The following RAB3C variants were observed in gnomAD, a reference collection of about 807,000 sequenced individuals.
The protein encoded by RAB3C is RAB3C, member RAS oncogene family, also known as ras-related protein Rab-3C.
RAB3C carries 17 observed loss-of-function variants against 26.4 expected under a neutral mutation model. That is an observed-to-expected ratio of 0.64 (90% CI 0.44 to 0.97). The LOEUF is 0.97. Among genes scored for constraint, RAB3C ranks in the 50% least tolerant of loss-of-function variants. The pLI, the probability that RAB3C is intolerant of heterozygous loss-of-function variation, is 0.00. For missense variants in RAB3C, 242 were observed against 281.9 expected, an observed-to-expected ratio of 0.86 and a Z score of 1.01; for synonymous variants, 91 against 95.9, an observed-to-expected ratio of 0.95 and a Z score of 0.30.
intron 3 of RAB3C, among the ~76,000 whole-genome samples, chr5:58,732,724 C>A (rs1400712618): frequency 6.6e-6 from 1 of 152,150 alleles, no homozygotes; most frequent in African/African-American, 2.4e-5. Flanking sequence ...GCTGGATAGG[C>A]AGTTTGATAT....
chr5:58,828,552 C>G (rs1245568145), intron 4 of RAB3C, among the ~76,000 whole-genome samples: 5 of 152,214 alleles, frequency 3.3e-5, no homozygotes, highest in Admixed American at 3.3e-4. Context: ...TAATGACTGC[C>G]AAATCATGTC....
chr5:58,669,413 C>T (rs1748067860), intron 2 of RAB3C, among the ~76,000 whole-genome samples: 1 of 152,190 alleles, frequency 6.6e-6, no homozygotes, highest in Non-Finnish European at 1.5e-5. Flanking sequence ...ACTAATACAA[C>T]GTGGAAAAGA....
intron 1 of RAB3C, among the ~76,000 whole-genome samples, chr5:58,612,397 T>G: frequency 6.6e-6 from 1 of 151,612 alleles, no homozygotes; most frequent in African/African-American, 2.4e-5. Context: ...TTGTGTCATC[T>G]CTGATTTCTT....
At chr5:58,685,767 T>C (rs1183352649) in intron 2 of RAB3C, among the ~76,000 whole-genome samples, 2 of 152,170 alleles carry the variant, frequency 1.3e-5, no homozygotes, top group African/African-American at 4.8e-5. Context: ...GGGAATACCA[T>C]AGTGAATACA....
intron 2 of RAB3C, among the ~76,000 whole-genome samples, chr5:58,666,698 T>G (rs1413540729): frequency 6.6e-6 from 1 of 152,186 alleles, no homozygotes; most frequent in African/African-American, 2.4e-5. Flanking sequence ...GGAAATCAGC[T>G]GGAAGCCTGA....
Position 58,758,193 on chromosome 5 carries a change from C to T in RAB3C, c.371+32073C>T, listed in dbSNP as rs558156349. Among the ~76,000 whole-genome samples the T allele has an allele frequency of 9.2e-5, 14 of 152,258 alleles. 1 individual carries two copies. Among genetic ancestry groups the T allele is most frequent in the African/African-American group, 3.4e-4 (14 of 41,552 alleles). Reference sequence around the variant, plus strand: ...TCTCCTGACCTTGTGATCCGCCTGCCTCAGCCTCCCGAAGTGCTGGGATTA... The same window carrying T: ...TCTCCTGACCTTGTGATCCGCCTGCTTCAGCCTCCCGAAGTGCTGGGATTA... On this transcript the variant is annotated intron_variant, in intron 3 of 4. Coordinates refer to ENST00000282878, the MANE Select transcript of RAB3C (RefSeq NM_138453.4).
At chr5:58,681,430 A>G (rs1034399302) in intron 2 of RAB3C, among the ~76,000 whole-genome samples, 1 of 152,238 alleles carries the variant, frequency 6.6e-6, no homozygotes, top group Non-Finnish European at 1.5e-5. Context: ...GAAAATTTGT[A>G]TTGTGATGAA....
At chr5:58,608,968 C>T (rs1746631511) in intron 1 of RAB3C, among the ~76,000 whole-genome samples, 2 of 152,122 alleles carry the variant, frequency 1.3e-5, no homozygotes, top group African/African-American at 4.8e-5. Context: ...CATGTTCTCA[C>T]TCTTAGGTGG....
chr5:58,769,592 C>T (rs1741984861), intron 3 of RAB3C, among the ~76,000 whole-genome samples: 1 of 152,066 alleles, frequency 6.6e-6, no homozygotes, highest in South Asian at 2.1e-4. Flanking sequence ...GAGGAAAGTT[C>T]TGAAATTCTG....
chr5:58,808,986 G>T (rs1010686991), intron 3 of RAB3C, among the ~76,000 whole-genome samples: 1 of 152,134 alleles, frequency 6.6e-6, no homozygotes, highest in Admixed American at 6.5e-5. Context: ...TATCTCCAGT[G>T]CATTTGCATT....
At chr5:58,637,508 C>T (rs1747314696) in intron 2 of RAB3C, among the ~76,000 whole-genome samples, 1 of 151,978 alleles carries the variant, frequency 6.6e-6, no homozygotes, top group South Asian at 2.1e-4. Context: ...GAAGAATAGA[C>T]AGGATTTAGA....
intron 3 of RAB3C, chr5:58,823,544 C>T (rs1272987850): frequency 1.2e-5 from 2 of 166,364 alleles, no homozygotes; most frequent in African/African-American, 4.8e-5. Flanking sequence ...ATAAATAAAA[C>T]AAAAAAGCTC....
At chr5:58,841,722 C>A (rs1743879823) in intron 4 of RAB3C, among the ~76,000 whole-genome samples, 1 of 152,126 alleles carries the variant, frequency 6.6e-6, no homozygotes, top group African/African-American at 2.4e-5. Flanking sequence ...TTTACATTTT[C>A]TCTTCAGTGG....
intron 3 of RAB3C, among the ~76,000 whole-genome samples, chr5:58,775,935 C>T (rs529953861): frequency 6.6e-6 from 1 of 152,170 alleles, no homozygotes; most frequent in African/African-American, 2.4e-5. Flanking sequence ...TTCTATTGCT[C>T]ACATTTTCTT....
intron 3 of RAB3C, among the ~76,000 whole-genome samples, chr5:58,734,470 C>A (rs892789535): frequency 1.3e-5 from 2 of 152,084 alleles, no homozygotes; most frequent in African/African-American, 2.4e-5. Flanking sequence ...TACACTGGAC[C>A]GCGGGGAGTC....
Position 58,805,613 on chromosome 5 carries a change from G to C in RAB3C, c.372-19425G>C, listed in dbSNP as rs570134498. Among the ~76,000 whole-genome samples, 6 of 147,914 alleles carry C rather than the reference G, an allele frequency of 4.1e-5. No individual in the cohort carries two copies. In the East Asian group the frequency reaches 9.8e-4, roughly 24 times the overall value. On this transcript the variant is annotated intron_variant, in intron 3 of 4. Transcript: ENST00000282878. Reference sequence around the variant, plus strand: ...TGAAAAAAAAAAAAAAAGAGAGAGAGAGAAAAAAAGAAAAGGAAAGAAAGA... The same window carrying C: ...TGAAAAAAAAAAAAAAAGAGAGAGACAGAAAAAAAGAAAAGGAAAGAAAGA...
chr5:58,845,612 ATG>A (rs1289870360), intron 4 of RAB3C, among the ~76,000 whole-genome samples: 8 of 81,704 alleles, frequency 9.8e-5, no homozygotes, highest in South Asian at 3.9e-4. Context: ...ATATATATAT[ATG>A]TGTGTGTGTG....
chr5:58,797,348 AAAAAAATATGTATATATATAATAT>A (rs1161424391), intron 3 of RAB3C, among the ~76,000 whole-genome samples: 4 of 6,670 alleles, frequency 6.0e-4, no homozygotes, highest in African/African-American at 2.2e-3. Context: ...ACAAAAAAAA[AAAAAAATATGTATATATATAATAT>A]ATATATATAT....
At chr5:58,689,595 C>T (rs1049445790) in intron 2 of RAB3C, among the ~76,000 whole-genome samples, 4 of 151,996 alleles carry the variant, frequency 2.6e-5, no homozygotes, top group African/African-American at 4.8e-5. Flanking sequence ...TGGTTAAAAT[C>T]AGTGTTGCCA....
Sources: gnomAD v4.1 joint callset for allele counts (sites outside exome capture counted in the v4.1 genomes callset) on GRCh38, gnomAD v4.1.1 for gene constraint, MANE v1.5 for transcripts, NCBI Gene and HGNC (gene_info 2026-07-23, HGNC 2026-07-21) for gene names.